Variants in STK3 observed in about 807,000 individuals in gnomAD.
STK3 encodes serine/threonine kinase 3, also known as serine/threonine-protein kinase 3.
A neutral mutation model predicts 58.0 loss-of-function variants in STK3; 41 were observed. The observed-to-expected ratio is 0.71, with a 90% CI of 0.55 to 0.92. The LOEUF is 0.92. Ranked by LOEUF, STK3 falls within the 40% of genes least tolerant of loss-of-function variation. The pLI is 0.00. For missense variants in STK3, 479 were observed against 602.7 expected (o/e 0.79, Z 2.15); for synonymous variants, 170 against 191.0 (o/e 0.89, Z 0.91).
At chr8:98,803,593 C>CAAAAAAAAAAAA (rs34316563) in intron 1 of STK3, among the ~76,000 whole-genome samples, 25 of 38,724 alleles carry the variant, frequency 6.5e-4, no homozygotes, top group South Asian at 1.3e-3. Flanking sequence ...GACTCTGTTT[C>CAAAAAAAAAAAA]AAAAAAAAAA....
At chr8:98,797,764 G>A (rs935447778) in intron 1 of STK3, among the ~76,000 whole-genome samples, 1 of 152,188 alleles carries the variant, frequency 6.6e-6, no homozygotes, top group Non-Finnish European at 1.5e-5. Flanking sequence ...TAGAGTTTGT[G>A]TATTTTCTTC....
intron 3 of STK3, among the ~76,000 whole-genome samples, chr8:98,856,470 G>A (rs1436377364): frequency 1.3e-5 from 2 of 152,162 alleles, no homozygotes; most frequent in Non-Finnish European, 2.9e-5. Context: ...GACATCATTA[G>A]TCATCAAGGA....
In STK3 at chr8:98,742,445, G is replaced by A. The variant is rs1225762706; in HGVS notation, c.351+6831C>T. On this transcript the variant is annotated intron_variant, in intron 4 of 10. Coordinates refer to ENST00000419617, the MANE Select transcript of STK3 (RefSeq NM_006281.4). ...GTTCAACATACGCAAATCAATAAAC[G>A]TAATCCATCACGTAAACAGAACCAA... is the stretch of plus-strand genomic sequence containing the variant. Among the ~76,000 whole-genome samples the A allele has an allele frequency of 4.1e-5, 5 of 122,770 alleles. 1 individual carries two copies. The highest frequency in any genetic ancestry group is 2.4e-4 in the South Asian group (1 of 4,216). The allele number at this position is 122,770 out of a possible 152,430, so 80.5% of individuals were successfully genotyped here. A position where few individuals can be genotyped will look rare whatever the true frequency, so the allele number is the denominator to read the frequency against.
chr8:98,516,670 G>A (rs1448604437), intron 10 of STK3, among the ~76,000 whole-genome samples: 3 of 151,884 alleles, frequency 2.0e-5, no homozygotes, highest in African/African-American at 2.4e-5. Context: ...CAAAAGCAAC[G>A]CAATTTCAGG....
At position 98,633,643 on chromosome 8, in the gene STK3, A is replaced by G. The variant is rs929686036; in HGVS notation, c.685-37474T>C. 3 of 721,646 alleles carry G rather than the reference A, an allele frequency of 4.2e-6. No homozygotes were observed. In the African/African-American group the frequency reaches 5.2e-5, roughly 12 times the overall value. 44.7% of individuals were successfully genotyped at this position (721,646 alleles called of 1,614,324 possible). A position where few individuals can be genotyped will look rare whatever the true frequency, so the allele number is the denominator to read the frequency against. Reference sequence around the variant, plus strand: ...ATTGGTGTTACAGCAGTGGCGTTTAATAAGGAACTTGATCCTGTACAGAAA... The same window carrying G: ...ATTGGTGTTACAGCAGTGGCGTTTAGTAAGGAACTTGATCCTGTACAGAAA... On this transcript the variant is annotated intron_variant, in intron 6 of 10. Transcript: ENST00000419617.
At chr8:98,836,058 G>C (rs567789215) in intron 3 of STK3, among the ~76,000 whole-genome samples, 3 of 152,080 alleles carry the variant, frequency 2.0e-5, no homozygotes, top group Non-Finnish European at 4.4e-5. Flanking sequence ...AAAATTAGCC[G>C]GGCGCAGTGG....
rs1564091783 is a variant in STK3, at chr8:98,900,670, T to G, written c.-78-16836A>C. The stretch of plus-strand genomic sequence containing the variant: ...TAGTTTTATATTCTTTTTTTCTTTT[T>G]TTTTTTTCTGAGACAGGGTCTTGCT... On this transcript the variant is annotated intron_variant, in intron 1 of 1. Transcript: ENST00000519420. Among the ~76,000 whole-genome samples the G allele has an allele frequency of 2.6e-5, 4 of 151,642 alleles. No homozygotes were observed. In the South Asian group the frequency reaches 8.4e-4, roughly 32 times the overall value.
chr8:98,486,890 T>G lies in STK3; in HGVS notation c.1318-30890A>C, dbSNP rs548279423. ...CTACTGTCAGTGTCAATGCCCTGTC[T>G]GAACAAGTTTTAATTTAACTTCAAG... On this transcript the variant is annotated intron_variant, in intron 10 of 10. Coordinates refer to ENST00000419617, the MANE Select transcript of STK3 (RefSeq NM_006281.4). Among the ~76,000 whole-genome samples the G allele has an allele frequency of 7.2e-4, 110 of 152,316 alleles. 1 individual carries two copies. The highest frequency in any genetic ancestry group is 2.6e-3 in the African/African-American group (108 of 41,568).
At chr8:98,739,510 T>A (rs1233703261) in intron 4 of STK3, among the ~76,000 whole-genome samples, 1 of 148,522 alleles carries the variant, frequency 6.7e-6, no homozygotes, top group Non-Finnish European at 1.5e-5. Flanking sequence ...TCTAGCAAAC[T>A]CCAACACACC....
chr8:98,622,221 A>G (rs927623431), intron 6 of STK3, among the ~76,000 whole-genome samples: 2 of 151,476 alleles, frequency 1.3e-5, no homozygotes, highest in African/African-American at 4.9e-5. Flanking sequence ...GTGAGCTGAG[A>G]TTGCGCCACT....
chr8:98,459,806 C>G (rs1025193057), intron 10 of STK3, among the ~76,000 whole-genome samples: 1 of 152,204 alleles, frequency 6.6e-6, no homozygotes, highest in African/African-American at 2.4e-5. Flanking sequence ...TGCGAGTGCA[C>G]AGAAGTCAAG....
intron 1 of STK3, chr8:98,905,781 A>G: frequency 2.4e-6 from 1 of 423,430 alleles, no homozygotes; most frequent in Non-Finnish European, 4.4e-6. Flanking sequence ...TTAAATTTAA[A>G]AGAGTTTAAT....
At chr8:98,526,629 T>C in intron 10 of STK3, 113 bp downstream of exon 10, 1 of 838,220 alleles carries the variant, frequency 1.2e-6, no homozygotes, top group Non-Finnish European at 1.6e-6. Flanking sequence ...TAACATATGG[T>C]CTATAATTGT....
chr8:98,588,375 T>C (rs1412739565), intron 7 of STK3, among the ~76,000 whole-genome samples: 2 of 151,674 alleles, frequency 1.3e-5, no homozygotes, highest in African/African-American at 4.8e-5. Flanking sequence ...TTTGGCTGGA[T>C]ATGAAATTCT....
At chr8:98,936,220 C>A (rs188730419) in intron 1 of STK3, among the ~76,000 whole-genome samples, 3 of 152,146 alleles carry the variant, frequency 2.0e-5, no homozygotes, top group South Asian at 2.1e-4. Context: ...GCCTGGCCTG[C>A]ATCCATGTTA....
chr8:98,833,484 A>G (rs2131788754), intron 3 of STK3, among the ~76,000 whole-genome samples: 1 of 152,298 alleles, frequency 6.6e-6, no homozygotes, highest in African/African-American at 2.4e-5. Context: ...AGGGAAGAGG[A>G]TTCTCTAGAG....
At chr8:98,391,960 C>T (rs2131013903), upstream of STK3, among the ~76,000 whole-genome samples, 1 of 152,228 alleles carries the variant, frequency 6.6e-6, no homozygotes, top group East Asian at 1.9e-4. Flanking sequence ...TACTGAAAAA[C>T]TCAGAAAACA....
At chr8:98,662,530 G>A (rs993593107) in intron 6 of STK3, among the ~76,000 whole-genome samples, 2 of 152,024 alleles carry the variant, frequency 1.3e-5, no homozygotes, top group African/African-American at 4.8e-5. Context: ...TAACACCATG[G>A]ATTAAAAAGT....
intron 3 of STK3, among the ~76,000 whole-genome samples, chr8:98,869,012 G>A (rs922040016): frequency 7.6e-5 from 9 of 118,374 alleles, no homozygotes; most frequent in South Asian, 3.0e-4. Flanking sequence ...GAGAGAGAGA[G>A]AAAAAGGAAA....
Sources: gnomAD v4.1 joint callset for allele counts (sites outside exome capture counted in the v4.1 genomes callset) on GRCh38, gnomAD v4.1.1 for gene constraint, MANE v1.5 for transcripts, NCBI Gene and HGNC (gene_info 2026-07-23, HGNC 2026-07-21) for gene names.